Variants in NRG1 observed in about 807,000 individuals in gnomAD.
NRG1 encodes the protein neuregulin 1, also known as pro-neuregulin-1, membrane-bound isoform.
Under a neutral mutation model 63.8 loss-of-function variants are expected in NRG1, and 18 were observed. The ratio of observed to expected loss-of-function variants is 0.28; its 90% confidence interval spans 0.19 to 0.42. The LOEUF (loss-of-function observed/expected upper bound fraction) is 0.42. Ranked by LOEUF, NRG1 falls within the 10% of genes least tolerant of loss-of-function variation. The pLI is 1.00. For missense variants in NRG1, 762 were observed against 814.7 expected (o/e 0.94, Z 0.79); for synonymous variants, 302 against 301.3 (o/e 1.00, Z -0.02).
chr8:31,977,786 T>C (rs1808435214), intron 1 of NRG1, among the ~76,000 whole-genome samples: 1 of 152,086 alleles, frequency 6.6e-6, no homozygotes, highest in Non-Finnish European at 1.5e-5. Context: ...TCTCAAAGAG[T>C]TTGAACAACA....
chr8:32,437,678 T>G (rs1461598823), intron 1 of NRG1, among the ~76,000 whole-genome samples: 1 of 152,222 alleles, frequency 6.6e-6, no homozygotes, highest in Non-Finnish European at 1.5e-5. Flanking sequence ...TTGAGGTTCT[T>G]ATCCATGAAG....
chr8:32,010,257 T>C (rs1195348551), intron 1 of NRG1, among the ~76,000 whole-genome samples: 2 of 152,082 alleles, frequency 1.3e-5, no homozygotes, highest in Non-Finnish European at 2.9e-5. Context: ...CAACATGCAG[T>C]ATCCTAAAAG....
chr8:32,522,679 T>A (rs546909765), intron 1 of NRG1, among the ~76,000 whole-genome samples: 3 of 152,348 alleles, frequency 2.0e-5, no homozygotes, highest in East Asian at 3.9e-4. Flanking sequence ...AATTTCTCCC[T>A]TTCTTGTTTC....
At chr8:32,663,955 C>T (rs1359867481) in intron 5 of NRG1, among the ~76,000 whole-genome samples, 1 of 152,162 alleles carries the variant, frequency 6.6e-6, no homozygotes, top group Non-Finnish European at 1.5e-5. Context: ...AACTTTCCTC[C>T]TTAGTCTCTA....
chr8:31,713,015 A>T (rs56090993), intron 1 of NRG1, among the ~76,000 whole-genome samples: 31,866 of 116,524 alleles, frequency 0.27, 4,359 homozygotes, highest in East Asian at 0.69. Flanking sequence ...CCATCCATCC[A>T]TCCATCCATC....
At chr8:31,827,516 A>G (rs1361953688) in intron 1 of NRG1, among the ~76,000 whole-genome samples, 1 of 152,184 alleles carries the variant, frequency 6.6e-6, no homozygotes, top group African/African-American at 2.4e-5. Flanking sequence ...GGACAAGATA[A>G]ACACAACAGC....
chr8:32,409,202 G>A (rs1484885599), intron 1 of NRG1, among the ~76,000 whole-genome samples: 1 of 152,078 alleles, frequency 6.6e-6, no homozygotes, highest in Non-Finnish European at 1.5e-5. Flanking sequence ...CTAGCCATAT[G>A]CAGAACAATG....
chr8:31,738,987 C>T (rs1814981238), intron 1 of NRG1, among the ~76,000 whole-genome samples: 2 of 152,042 alleles, frequency 1.3e-5, no homozygotes, highest in East Asian at 1.9e-4. Context: ...CTTTAACACA[C>T]CTCCTTTGGG....
chr8:31,860,030 G>T (rs1828325163), intron 1 of NRG1, among the ~76,000 whole-genome samples: 2 of 152,296 alleles, frequency 1.3e-5, no homozygotes, highest in South Asian at 2.1e-4. Context: ...TTACTTGGGG[G>T]CAAGACATGG....
chr8:31,680,778 T>C (rs1808256993), intron 1 of NRG1, among the ~76,000 whole-genome samples: 1 of 152,108 alleles, frequency 6.6e-6, no homozygotes, highest in Non-Finnish European at 1.5e-5. Context: ...GTGTTCCTAT[T>C]TCTCCACATC....
At chr8:32,574,720 A>G (rs1052822590) in intron 1 of NRG1, among the ~76,000 whole-genome samples, 2 of 152,210 alleles carry the variant, frequency 1.3e-5, no homozygotes, top group African/African-American at 4.8e-5. Flanking sequence ...AGATGCCAGC[A>G]TCAGGCTTCT....
intron 1 of NRG1, among the ~76,000 whole-genome samples, chr8:31,692,087 C>G (rs940648462): frequency 6.6e-6 from 1 of 152,212 alleles, no homozygotes; most frequent in Non-Finnish European, 1.5e-5. Flanking sequence ...CCTGCTTAGG[C>G]ATCCCAAATT....
chr8:31,737,984 ATATT>A (rs1814861445), intron 1 of NRG1, among the ~76,000 whole-genome samples: 1 of 152,112 alleles, frequency 6.6e-6, no homozygotes, highest in African/African-American at 2.4e-5. Flanking sequence ...AACATTATAT[ATATT>A]AACATTCTAC....
intron 1 of NRG1, among the ~76,000 whole-genome samples, chr8:32,067,642 G>A (rs914732420): frequency 6.6e-6 from 1 of 152,046 alleles, no homozygotes; most frequent in African/African-American, 2.4e-5. Flanking sequence ...CTCACCTTTG[G>A]AAGTTACTAC....
intron 1 of NRG1, among the ~76,000 whole-genome samples, chr8:32,266,943 G>GGAGGCTGA (rs1321231281): frequency 1.3e-5 from 2 of 151,820 alleles, no homozygotes; most frequent in African/African-American, 4.8e-5. Flanking sequence ...CAGCTACTCA[G>GGAGGCTGA]GAGGCTGAGG....
chr8:31,740,702 A>AGAGG (rs1815179444), intron 1 of NRG1, among the ~76,000 whole-genome samples: 1 of 151,738 alleles, frequency 6.6e-6, no homozygotes, highest in East Asian at 1.9e-4. Context: ...AGAGAGAGAG[A>AGAGG]GAGGGACCAC....
intron 1 of NRG1, among the ~76,000 whole-genome samples, chr8:32,131,225 C>T (rs983114249): frequency 1.3e-5 from 2 of 152,038 alleles, no homozygotes; most frequent in East Asian, 3.9e-4. Context: ...AAAAATAAAA[C>T]ATGCTTATGA....
At chr8:32,194,834 C>T (rs979165843) in intron 1 of NRG1, among the ~76,000 whole-genome samples, 5 of 151,730 alleles carry the variant, frequency 3.3e-5, no homozygotes, top group African/African-American at 1.2e-4. Context: ...AGATTAATAC[C>T]CAACCGATGA....
At chr8:31,654,804 G>T (rs1805267092) in intron 1 of NRG1, among the ~76,000 whole-genome samples, 1 of 152,134 alleles carries the variant, frequency 6.6e-6, no homozygotes, top group Non-Finnish European at 1.5e-5. Context: ...TGCCAGGCTT[G>T]GTGGTGTGCA....
Sources: gnomAD v4.1 joint callset for allele counts (sites outside exome capture counted in the v4.1 genomes callset) on GRCh38, gnomAD v4.1.1 for gene constraint, MANE v1.5 for transcripts, NCBI Gene and HGNC (gene_info 2026-07-23, HGNC 2026-07-21) for gene names.